APP: variants seen among roughly 807,000 people sequenced by gnomAD.
APP encodes amyloid-beta precursor protein.
In APP, 31 loss-of-function variants were observed where a neutral mutation model predicts 101.4. The ratio of observed to expected loss-of-function variants is 0.31; its 90% CI spans 0.23 to 0.41. The LOEUF is 0.41. Among genes scored for constraint, APP ranks in the 10% least tolerant of loss-of-function variants. APP has a pLI of 1.00. For missense variants in APP, 839 were observed against 1,003.7 expected (o/e 0.84, Z 2.22); for synonymous variants, 366 against 364.4 (o/e 1.00, Z -0.05).
chr21:25,991,357 C>A (rs2146640385), intron 8 of APP, among the ~76,000 whole-genome samples: 1 of 152,226 alleles, frequency 6.6e-6, no homozygotes, highest in African/African-American at 2.4e-5. Context: ...TGTATTAAAC[C>A]AAGGATCAGC....
chr21:26,076,563 G>C (rs924809588), intron 3 of APP, among the ~76,000 whole-genome samples: 3 of 152,104 alleles, frequency 2.0e-5, no homozygotes, highest in Non-Finnish European at 4.4e-5. Context: ...CTTACACAGG[G>C]AAATTCAGCC....
At chr21:25,945,872 T>G (rs1454311345) in intron 13 of APP, 6 of 455,348 alleles carry the variant, frequency 1.3e-5, no homozygotes, top group African/African-American at 1.2e-4. Context: ...TGTAGAAATG[T>G]GGTCTTGCCA....
chr21:25,994,691 A>C (rs2042987482), intron 8 of APP, among the ~76,000 whole-genome samples: 1 of 152,192 alleles, frequency 6.6e-6, no homozygotes, highest in South Asian at 2.1e-4. Flanking sequence ...AACTGGCTCT[A>C]GATTGTTGAA....
At chr21:25,971,047 A>G (rs2042012783) in intron 11 of APP, among the ~76,000 whole-genome samples, 1 of 151,378 alleles carries the variant, frequency 6.6e-6, no homozygotes, top group Admixed American at 6.6e-5. Flanking sequence ...ATATACAAAC[A>G]GCGTTTCTTT....
chr21:26,024,657 C>T (rs2044491334), intron 5 of APP, among the ~76,000 whole-genome samples: 1 of 152,150 alleles, frequency 6.6e-6, no homozygotes, highest in Non-Finnish European at 1.5e-5. Context: ...CAGGAATTCT[C>T]TGATTACCTC....
intron 1 of APP, among the ~76,000 whole-genome samples, chr21:26,150,166 A>G (rs1344281533): frequency 6.6e-6 from 1 of 152,216 alleles, no homozygotes; most frequent in Non-Finnish European, 1.5e-5. Flanking sequence ...GAGCATACAC[A>G]CCATTTTAAC....
At chr21:25,906,836 G>A (rs1023950563) in intron 14 of APP, among the ~76,000 whole-genome samples, 9 of 151,784 alleles carry the variant, frequency 5.9e-5, no homozygotes, top group Admixed American at 4.6e-4. Context: ...GAGGGCAAAC[G>A]CGTACCTTGA....
intron 15 of APP, among the ~76,000 whole-genome samples, chr21:25,900,693 G>A (rs1052522546): frequency 6.6e-6 from 1 of 151,860 alleles, no homozygotes; most frequent in African/African-American, 2.4e-5. Context: ...TATTTATACT[G>A]AAAAATAAAA....
chr21:25,956,520 A>G (rs1160353364), intron 11 of APP, among the ~76,000 whole-genome samples: 1 of 152,228 alleles, frequency 6.6e-6, no homozygotes, highest in Non-Finnish European at 1.5e-5. Context: ...TATGCATTCC[A>G]CTACATGATT....
intron 5 of APP, among the ~76,000 whole-genome samples, chr21:26,028,397 G>A (rs60255351): frequency 0.026 from 3,987 of 152,156 alleles, 166 homozygotes; most frequent in African/African-American, 0.091. Flanking sequence ...TGATTGTTGC[G>A]AGCCAGAGGC....
chr21:26,059,539 G>A (rs759304832), intron 3 of APP, among the ~76,000 whole-genome samples: 11 of 152,238 alleles, frequency 7.2e-5, no homozygotes, highest in African/African-American at 1.2e-4. Flanking sequence ...CTTCACGTGC[G>A]TCTTCTCTCA....
intron 5 of APP, among the ~76,000 whole-genome samples, chr21:26,047,798 TCAAA>T (rs2045671000): frequency 6.6e-6 from 1 of 152,140 alleles, no homozygotes. Flanking sequence ...CATGTAACTA[TCAAA>T]CACAGTGTGT....
intron 1 of APP, among the ~76,000 whole-genome samples, chr21:26,116,587 A>G (rs1006300169): frequency 6.6e-6 from 1 of 152,192 alleles, no homozygotes; most frequent in African/African-American, 2.4e-5. Context: ...AAAATTCCTT[A>G]TAGAGCAGGC....
At chr21:26,063,709 A>G (rs770505610) in intron 3 of APP, among the ~76,000 whole-genome samples, 4 of 152,244 alleles carry the variant, frequency 2.6e-5, no homozygotes, top group Non-Finnish European at 5.9e-5. Context: ...ATAGGAAAAA[A>G]GAGACAAATC....
At chr21:26,081,961 T>TCAG (rs2061607281) in intron 3 of APP, among the ~76,000 whole-genome samples, 1 of 152,202 alleles carries the variant, frequency 6.6e-6, no homozygotes, top group Non-Finnish European at 1.5e-5. Flanking sequence ...CTCATGTCTG[T>TCAG]AATCCCAGGA....
At chr21:25,975,046 G>T (rs201972591) in intron 11 of APP, 24 bp downstream of exon 11, 2 of 1,613,816 alleles carry the variant, frequency 1.2e-6, no homozygotes, top group Non-Finnish European at 1.7e-6. Flanking sequence ...CCTGAAGTGT[G>T]AACTCGGCTG....
chr21:26,050,451 GAA>G (rs1568910714), intron 5 of APP, among the ~76,000 whole-genome samples: 3 of 151,766 alleles, frequency 2.0e-5, no homozygotes. Flanking sequence ...AAAAAGAGGC[GAA>G]AATAGGTTTC....
At chr21:25,885,528 A>C (rs1358461210) in intron 17 of APP, among the ~76,000 whole-genome samples, 1 of 152,164 alleles carries the variant, frequency 6.6e-6, no homozygotes, top group Non-Finnish European at 1.5e-5. Flanking sequence ...ACATACATAC[A>C]ACCACTGAAT....
chr21:25,957,947 G>A (rs1176404073), intron 11 of APP, among the ~76,000 whole-genome samples: 1 of 151,992 alleles, frequency 6.6e-6, no homozygotes, highest in Non-Finnish European at 1.5e-5. Flanking sequence ...TTGCACGACT[G>A]TACTCAAGCC....
Sources: allele counts gnomAD v4.1 joint callset (sites outside exome capture counted in the v4.1 genomes callset), GRCh38; gene constraint gnomAD v4.1.1; transcripts MANE v1.5; gene names NCBI Gene and HGNC (gene_info 2026-07-23, HGNC 2026-07-21).